Variants in PKD1L3 observed in about 807,000 individuals in gnomAD.
The protein encoded by PKD1L3 is polycystin-1-like protein 3.
Under a neutral mutation model 184.1 loss-of-function variants are expected in PKD1L3, and 239 were observed. The ratio of observed to expected loss-of-function variants is 1.30; its 90% confidence interval spans 1.17 to 1.45. PKD1L3 has a LOEUF of 1.45. PKD1L3 is among the 40% of genes most tolerant of loss of function. The pLI is 0.00. For missense variants in PKD1L3, 2,660 were observed against 2,067.2 expected (o/e 1.29, Z -5.56); for synonymous variants, 996 against 778.8 (o/e 1.28, Z -4.64).
chr16:71,980,044 T>C lies in PKD1L3; in HGVS notation c.1234A>G (p.Thr412Ala). ...AGAGTAGCATTGGCAGAGGTCAAAG[T>C]CACTGAAGACTCGGGAGACTGGTTC... ...EQNQSPESSV[T>A]LTSANATLLL... Residue 412 changes from threonine to alanine, a missense_variant, in exon 8 of 30, where the codon ACT (threonine) becomes GCT (alanine). Physicochemically the swap from Thr to Ala is moderately conservative, Grantham distance 58. Transcript: ENST00000620267. 2 of 1,552,044 alleles carry C rather than the reference T, an allele frequency of 1.3e-6. No homozygotes were observed. Among genetic ancestry groups the C allele is most frequent in the South Asian group, 2.4e-5 (2 of 84,062 alleles).
intron 3 of PKD1L3, among the ~76,000 whole-genome samples, chr16:71,992,319 A>G (rs1450691102): frequency 6.6e-6 from 1 of 152,216 alleles, no homozygotes; most frequent in Non-Finnish European, 1.5e-5. Context: ...GACAATATAA[A>G]CTTAAAGGAT....
chr16:71,935,616 A>T (rs2038148707), intron 25 of PKD1L3, 98 bp from the exon 26 acceptor site: 1 of 1,134,330 alleles, frequency 8.8e-7, no homozygotes, highest in Non-Finnish European at 1.2e-6. Flanking sequence ...CTGTGGGCAA[A>T]GCACACTGCC....
chr16:72,000,070 T>C lies in PKD1L3; in HGVS notation c.-92A>G, dbSNP rs2040916591. 20 of 1,080,008 alleles carry C rather than the reference T, an allele frequency of 1.9e-5. No homozygotes were observed. Among genetic ancestry groups the C allele is most frequent in the Non-Finnish European group, 2.4e-5 (19 of 793,696 alleles). The allele number at this position is 1,080,008 out of a possible 1,614,324, so 66.9% of individuals were successfully genotyped here. A position where few individuals can be genotyped will look rare whatever the true frequency, so the allele number is the denominator to read the frequency against. On this transcript the variant is annotated 5_prime_UTR_variant, in exon 1 of 30. It adds an upstream start codon to the 5' untranslated region. Transcript: ENST00000620267. ...ATTGGCGGGCTTGTCTTATTAGTAT[T>C]ATTCTTTTATGAATTGGGAACAATT...
At chr16:71,969,841 C>G in intron 13 of PKD1L3, 34 bp downstream of exon 13, 1 of 1,512,868 alleles carries the variant, frequency 6.6e-7, no homozygotes, top group South Asian at 1.2e-5. Context: ...CTCAAAACAT[C>G]ATGGCAAATC....
chr16:71,986,670 G>A (rs1269967480), intron 4 of PKD1L3, among the ~76,000 whole-genome samples: 2 of 152,088 alleles, frequency 1.3e-5, no homozygotes, highest in African/African-American at 2.4e-5. Flanking sequence ...ATTTATATTA[G>A]TGTATTTATT....
At chr16:71,973,879 G>A (rs1228105331) in intron 11 of PKD1L3, among the ~76,000 whole-genome samples, 1 of 152,020 alleles carries the variant, frequency 6.6e-6, no homozygotes, top group African/African-American at 2.4e-5. Flanking sequence ...ATGTGAGCCT[G>A]TAATCCCAGC....
At chr16:71,986,570 G>A (rs2040374891) in intron 4 of PKD1L3, 101 bp from the exon 5 acceptor site, 1 of 1,295,176 alleles carries the variant, frequency 7.7e-7, no homozygotes, top group African/African-American at 1.5e-5. Flanking sequence ...TGTCCTATGA[G>A]ATACTAATAG....
chr16:71,973,360 C>CA lies in PKD1L3; in HGVS notation c.1916_1917insT (p.Glu639AspfsTer28). 2 of 1,551,696 alleles carry CA rather than the reference C, an allele frequency of 1.3e-6. No homozygotes were observed. The highest frequency in any genetic ancestry group is 1.7e-6 in the Non-Finnish European group (2 of 1,147,012). ...CGCTGCTCCATGTCTGGTTGTGGAT[C>CA]TCCCAGTAGTAACACTGAGTGACGG... is the stretch of plus-strand genomic sequence containing the variant. On this transcript the variant is annotated frameshift_variant, in exon 12 of 30. Coordinates refer to ENST00000620267, the MANE Select transcript of PKD1L3 (RefSeq NM_181536.2). LOFTEE classifies it high-confidence loss of function.
chr16:71,993,259 C>A lies in PKD1L3; in HGVS notation c.492G>T (p.Lys164Asn). Residue 164 changes from lysine (K) to asparagine (N), a missense_variant, in exon 3 of 30, where the codon AAG becomes AAT. Physicochemically the swap from Lys to Asn is moderately conservative, Grantham distance 94. Coordinates refer to ENST00000620267, the MANE Select transcript of PKD1L3 (RefSeq NM_181536.2). The stretch of plus-strand genomic sequence containing the variant: ...TTGCTATTGCAACTCCTCTTTTTGT[C>A]TTCTTGTGTCTCTGGTACAAATGGG... ...NNSHLYQRHK[K>N]TKRGVAIARD... 6.4e-7 allele frequency: 1 copy of A among 1,550,420 alleles called. No homozygotes were observed. The highest frequency in any genetic ancestry group is 8.7e-7 in the Non-Finnish European group (1 of 1,146,556).
At chr16:71,968,162 C>T (rs1040881044) in intron 13 of PKD1L3, among the ~76,000 whole-genome samples, 155 bp from the exon 14 acceptor site, 6 of 152,162 alleles carry the variant, frequency 3.9e-5, no homozygotes, top group Non-Finnish European at 7.3e-5. Flanking sequence ...GACACATGAG[C>T]AGACCTAAGT....
In PKD1L3 at chr16:71,951,678, G is replaced by A; in HGVS notation, c.3076C>T (p.Pro1026Ser). 6.4e-7 allele frequency: 1 copy of A among 1,551,706 alleles called. No individual in the cohort carries two copies. Among genetic ancestry groups the A allele is most frequent in the East Asian group, 2.4e-5 (1 of 40,924 alleles). Residue 1026 changes from proline to serine, a missense_variant, in exon 19 of 30, where the codon CCG becomes TCG. Pro to Ser is a moderately conservative substitution (Grantham distance 74, BLOSUM62 -1). Transcript: ENST00000620267. ...GTAATGTCCCAAGAACTCCATGGCG[G>A]CTGCTCACACTTGGAGAGTAGGTAT... ...NTYLLSKCEQ[P>S]PWSSWDITKL...
chr16:71,961,314 G>A (rs1030222299), intron 16 of PKD1L3, among the ~76,000 whole-genome samples: 7 of 151,982 alleles, frequency 4.6e-5, no homozygotes, highest in Non-Finnish European at 8.8e-5. Context: ...GTAGAGAAGG[G>A]GTTTTACCAT....
In PKD1L3 at chr16:71,934,052, C is replaced by G; in HGVS notation, c.4687G>C (p.Ala1563Pro). 3 of 1,551,834 alleles carry G rather than the reference C, an allele frequency of 1.9e-6. No homozygotes were observed. Among genetic ancestry groups the G allele is most frequent in the African/African-American group, 1.4e-5 (1 of 73,108 alleles). ...THLVGFPVLL[A>P]TVQLWNLLRH... The stretch of plus-strand genomic sequence containing the variant: ...AGCAGGTTCCATAACTGAACAGTTG[C>G]CAGGAGAACCGGGAAGCCCACAAGG... The change falls in exon 27 of 30, where the codon GCA becomes CCA. Residue 1563 changes from alanine (A) to proline (P), a missense_variant. Transcript: ENST00000620267.
chr16:71,934,689 TGGAA>T (rs952886623), intron 26 of PKD1L3, among the ~76,000 whole-genome samples: 3 of 152,046 alleles, frequency 2.0e-5, no homozygotes, highest in African/African-American at 4.8e-5. Context: ...CCAGGTTACT[TGGAA>T]GGAGCCCCAC....
Position 71,977,364 on chromosome 16 carries a change from G to C in PKD1L3, c.1631C>G (p.Ser544Cys), listed in dbSNP as rs1175292136. Residue 544 changes from serine to cysteine, a missense_variant, in exon 11 of 30, where the codon TCC (serine) becomes TGC (cysteine). Coordinates refer to ENST00000620267, the MANE Select transcript of PKD1L3 (RefSeq NM_181536.2). ...GTCAGGATCTATGCTCACTATCAAG[G>C]ATTTCTCCAAGGAAGTGACGTTCAC... Reference protein sequence around the residue: ...ITVNVTSLEKSLIVSIDPDSP... With the variant: ...ITVNVTSLEKCLIVSIDPDSP... The C allele has an allele frequency of 6.5e-7, 1 of 1,550,188 alleles. No homozygotes were observed.
At chr16:71,999,140 G>A (rs1056361850) in intron 1 of PKD1L3, among the ~76,000 whole-genome samples, 51 of 151,768 alleles carry the variant, frequency 3.4e-4, no homozygotes, top group Admixed American at 1.8e-3. Context: ...GCGTGGTGGC[G>A]GCCACCTGTA....
intron 15 of PKD1L3, among the ~76,000 whole-genome samples, chr16:71,964,617 G>T (rs1230741565): frequency 6.6e-6 from 1 of 151,650 alleles, no homozygotes; most frequent in African/African-American, 2.4e-5. Flanking sequence ...GGGATCACAG[G>T]CATGAGACAC....
At chr16:71,980,345 A>G (rs1355295184) in intron 7 of PKD1L3, among the ~76,000 whole-genome samples, 2 of 152,210 alleles carry the variant, frequency 1.3e-5, no homozygotes, top group Non-Finnish European at 2.9e-5. Flanking sequence ...GGGCTGGCCA[A>G]GGAAATATGC....
Position 71,969,871 on chromosome 16 carries a change from T to A in PKD1L3, c.2184+4A>T. 6.5e-7 allele frequency: 1 copy of A among 1,542,020 alleles called. No individual in the cohort carries two copies. Among genetic ancestry groups the A allele is most frequent in the Admixed American group, 2.0e-5 (1 of 50,432 alleles). On this transcript the variant is annotated splice_donor_region_variant and intron_variant, in intron 13 of 29. Transcript: ENST00000620267. ...CAAATCTGTTGAAATCAAAGTCTCA[T>A]TACCTTCTGCATATCTGCTTGATCC...
Sources: allele counts gnomAD v4.1 joint callset (sites outside exome capture counted in the v4.1 genomes callset), GRCh38; gene constraint gnomAD v4.1.1; transcripts MANE v1.5; gene names NCBI Gene and HGNC (gene_info 2026-07-23, HGNC 2026-07-21).